Variants in KCNH7 observed in about 807,000 individuals in gnomAD.
KCNH7 encodes the protein voltage-gated inwardly rectifying potassium channel KCNH7.
KCNH7 carries 49 observed loss-of-function variants against 120.8 expected under a neutral mutation model. The observed-to-expected ratio is 0.41, with a 90% CI of 0.32 to 0.51. The LOEUF (loss-of-function observed/expected upper bound fraction) is 0.51. Ranked by LOEUF, KCNH7 falls within the 20% of genes least tolerant of loss-of-function variation. The probability of loss-of-function intolerance (pLI) is 0.38; values close to 1 mark genes in which losing one functional copy is unlikely to be tolerated. For missense variants in KCNH7, 1,097 were observed against 1,446.6 expected, an observed-to-expected ratio of 0.76 and a Z score of 3.92; for synonymous variants, 547 against 516.1, an observed-to-expected ratio of 1.06 and a Z score of -0.81.
chr2:162,837,209 A>G (rs937530476), intron 1 of KCNH7, among the ~76,000 whole-genome samples: 5 of 152,212 alleles, frequency 3.3e-5, no homozygotes, highest in Non-Finnish European at 5.9e-5. Flanking sequence ...ACTTTCTCAA[A>G]GTAGTTATTA....
At chr2:162,486,937 T>C (rs1352694440) in intron 6 of KCNH7, among the ~76,000 whole-genome samples, 2 of 152,232 alleles carry the variant, frequency 1.3e-5, no homozygotes, top group East Asian at 3.8e-4. Flanking sequence ...GAAGGGTTAC[T>C]GTTTGAACTA....
intron 2 of KCNH7, among the ~76,000 whole-genome samples, chr2:162,631,561 A>C (rs1266076659): frequency 6.6e-6 from 1 of 152,090 alleles, no homozygotes; most frequent in Non-Finnish European, 1.5e-5. Flanking sequence ...ATATTGAATT[A>C]CAGAAAAATC....
chr2:162,820,033 C>CTTTTTTTTTTTTTTTTT (rs66809770), intron 2 of KCNH7, among the ~76,000 whole-genome samples: 1 of 77,040 alleles, frequency 1.3e-5, no homozygotes, highest in Non-Finnish European at 2.4e-5. Flanking sequence ...ATTCCATAAA[C>CTTTTTTTTTTTTTTTTT]TTTTTTTTTT....
chr2:162,489,057 T>A (rs570691425), intron 6 of KCNH7, among the ~76,000 whole-genome samples: 1 of 152,326 alleles, frequency 6.6e-6, no homozygotes, highest in East Asian at 1.9e-4. Context: ...ACATTTTAAT[T>A]TAGAATATAT....
intron 2 of KCNH7, 32 bp from the exon 3 acceptor site, chr2:162,537,112 A>T: frequency 6.5e-7 from 1 of 1,548,330 alleles, no homozygotes; most frequent in South Asian, 1.2e-5. Context: ...GTTAGTTAAA[A>T]ATATGCCTTC....
chr2:162,781,967 A>C lies in KCNH7; in HGVS notation c.307+54570T>G, dbSNP rs144863821. On this transcript the variant is annotated intron_variant, in intron 2 of 15. Coordinates refer to ENST00000332142, the MANE Select transcript of KCNH7 (RefSeq NM_033272.4). ...GGTGAGATGAAAATCACGATGAAAA[A>C]CTGACTGGAATTTAGGTTTTTCTAG... Among the ~76,000 whole-genome samples the C allele has an allele frequency of 5.9e-3, 899 of 152,318 alleles. 12 individuals carry two copies. Among genetic ancestry groups the C allele is most frequent in the African/African-American group, 0.02 (846 of 41,580 alleles).
At chr2:162,717,739 G>A (rs186663793) in intron 2 of KCNH7, among the ~76,000 whole-genome samples, 8 of 152,074 alleles carry the variant, frequency 5.3e-5, no homozygotes, top group East Asian at 1.9e-4. Flanking sequence ...GAGAATAAGC[G>A]CCTGTTTTTC....
chr2:162,721,734 G>T (rs1291398669), intron 2 of KCNH7, among the ~76,000 whole-genome samples: 1 of 151,890 alleles, frequency 6.6e-6, no homozygotes, highest in Non-Finnish European at 1.5e-5. Context: ...CATTTTGAAG[G>T]CCTGAGGTCT....
At position 162,563,998 on chromosome 2, in the gene KCNH7, T is replaced by C. The variant is rs1010113888; in HGVS notation, c.308-26918A>G. Among the ~76,000 whole-genome samples the C allele has an allele frequency of 5.3e-5, 8 of 152,194 alleles. No homozygotes were observed. The South Asian group carries it at 1.2e-3, about 24-fold the overall frequency. ...CAATAATGTCTTCATTGGTCATTCATTCTTTAATAGCAATAAACTGGTACA... is the reference window on the plus strand; with the variant it reads ...CAATAATGTCTTCATTGGTCATTCACTCTTTAATAGCAATAAACTGGTACA... On this transcript the variant is annotated intron_variant, in intron 2 of 15. Coordinates refer to ENST00000332142, the MANE Select transcript of KCNH7 (RefSeq NM_033272.4).
chr2:162,474,211 G>A (rs1295333804), intron 6 of KCNH7, among the ~76,000 whole-genome samples: 1 of 152,232 alleles, frequency 6.6e-6, no homozygotes, highest in East Asian at 1.9e-4. Flanking sequence ...ATACATGGCA[G>A]AACCAGGATT....
At chr2:162,595,771 G>T (rs1299407246) in intron 2 of KCNH7, among the ~76,000 whole-genome samples, 1 of 151,864 alleles carries the variant, frequency 6.6e-6, no homozygotes, top group East Asian at 1.9e-4. Context: ...AGGAAAAAGT[G>T]ATATTATCTC....
chr2:162,651,238 G>A (rs1199940537), intron 2 of KCNH7, among the ~76,000 whole-genome samples: 5 of 152,196 alleles, frequency 3.3e-5, no homozygotes, highest in Non-Finnish European at 5.9e-5. Flanking sequence ...TTTAGGTTCA[G>A]CAGTACATGT....
At chr2:162,425,091 T>A (rs2105494817) in intron 8 of KCNH7, among the ~76,000 whole-genome samples, 1 of 152,176 alleles carries the variant, frequency 6.6e-6, no homozygotes, top group South Asian at 2.1e-4. Flanking sequence ...ACTCTGTGCT[T>A]GACTGTCTGA....
intron 2 of KCNH7, among the ~76,000 whole-genome samples, chr2:162,710,138 T>A (rs948331617): frequency 2.6e-5 from 4 of 152,076 alleles, no homozygotes; most frequent in African/African-American, 9.7e-5. Context: ...TTGCTCCATA[T>A]CGTATGAAAT....
chr2:162,663,166 T>A (rs557186971), intron 2 of KCNH7, among the ~76,000 whole-genome samples: 18 of 152,336 alleles, frequency 1.2e-4, no homozygotes, highest in Admixed American at 2.6e-4. Flanking sequence ...GTAATTGCAT[T>A]ATTGTGAAGT....
chr2:162,781,931 G>A (rs577158272), intron 2 of KCNH7, among the ~76,000 whole-genome samples: 55 of 152,252 alleles, frequency 3.6e-4, no homozygotes, highest in African/African-American at 1.2e-3. Flanking sequence ...CACATTGCAG[G>A]TCTCCTCACT....
intron 2 of KCNH7, among the ~76,000 whole-genome samples, chr2:162,776,316 A>G (rs1435822336): frequency 2.0e-5 from 3 of 152,160 alleles, no homozygotes; most frequent in Non-Finnish European, 4.4e-5. Flanking sequence ...GAGGCCAATC[A>G]TTGGCCAATA....
intron 4 of KCNH7, 83 bp from the exon 5 acceptor site, chr2:162,512,757 A>T (rs540589692): frequency 9.7e-7 from 1 of 1,034,656 alleles, no homozygotes; most frequent in Non-Finnish European, 1.4e-6. Flanking sequence ...TTACCTGTAT[A>T]AAAACAATCA....
intron 4 of KCNH7, 110 bp downstream of exon 4, chr2:162,517,620 C>T: frequency 2.1e-6 from 2 of 946,582 alleles, no homozygotes; most frequent in South Asian, 2.0e-5. Context: ...CCTTTAATCA[C>T]ATTTCTTTCC....
Sources: gnomAD v4.1 joint callset for allele counts (sites outside exome capture counted in the v4.1 genomes callset) on GRCh38, gnomAD v4.1.1 for gene constraint, MANE v1.5 for transcripts, NCBI Gene and HGNC (gene_info 2026-07-23, HGNC 2026-07-21) for gene names.